DCLK1: variants seen among roughly 807,000 people sequenced by gnomAD.
The protein encoded by DCLK1 is doublecortin like kinase 1.
In DCLK1, 16 loss-of-function variants were observed where a neutral mutation model predicts 86.2. The ratio of observed to expected loss-of-function variants is 0.19; its 90% CI spans 0.13 to 0.28. The LOEUF is 0.28. Ranked by LOEUF, DCLK1 falls within the 10% of genes least tolerant of loss-of-function variation. The pLI is 1.00. For synonymous variants in DCLK1, 369 were observed against 370.5 expected (o/e 1.00, Z 0.05); for missense variants, 590 against 940.2 (o/e 0.63, Z 4.87).
At chr13:35,882,859 T>G (rs1872998744) in intron 4 of DCLK1, among the ~76,000 whole-genome samples, 1 of 152,184 alleles carries the variant, frequency 6.6e-6, no homozygotes, top group Non-Finnish European at 1.5e-5. Context: ...GAATTTATAC[T>G]CCAGCGGAGG....
intron 5 of DCLK1, among the ~76,000 whole-genome samples, chr13:35,857,104 C>T (rs1368046706): frequency 1.3e-5 from 2 of 152,112 alleles, no homozygotes; most frequent in African/African-American, 4.8e-5. Context: ...AAGGAAGTGA[C>T]CATGTTCTCG....
chr13:36,035,526 TCCAGTCTGTGCTTATGTAA>T (rs1478797932), intron 3 of DCLK1, among the ~76,000 whole-genome samples: 1 of 152,170 alleles, frequency 6.6e-6, no homozygotes, highest in East Asian at 1.9e-4. Flanking sequence ...TTATTTAACA[TCCAGTCTGTGCTTATGTAA>T]TTTTTCTTTT....
chr13:36,059,821 A>G (rs1209329735), intron 3 of DCLK1, among the ~76,000 whole-genome samples: 1 of 151,772 alleles, frequency 6.6e-6, no homozygotes, highest in African/African-American at 2.4e-5. Context: ...GAGAATTTCT[A>G]TTAGTATATC....
chr13:36,131,758 C>T (rs1886368375), upstream of DCLK1, among the ~76,000 whole-genome samples: 2 of 152,154 alleles, frequency 1.3e-5, no homozygotes, highest in African/African-American at 4.8e-5. Context: ...AAGGAGGTAC[C>T]CACACTCATA....
At chr13:35,984,457 G>A (rs1377709104) in intron 3 of DCLK1, among the ~76,000 whole-genome samples, 2 of 152,186 alleles carry the variant, frequency 1.3e-5, no homozygotes, top group Non-Finnish European at 2.9e-5. Context: ...ACCCTGCAGT[G>A]GGTGAGGGAG....
At chr13:35,920,655 ACT>A (rs1215529372) in intron 4 of DCLK1, among the ~76,000 whole-genome samples, 1 of 152,064 alleles carries the variant, frequency 6.6e-6, no homozygotes, top group Non-Finnish European at 1.5e-5. Context: ...TCCTACACAC[ACT>A]GGTTCATCGA....
intron 4 of DCLK1, among the ~76,000 whole-genome samples, chr13:35,921,106 C>G (rs1875775901): frequency 6.6e-6 from 1 of 152,186 alleles, no homozygotes; most frequent in Non-Finnish European, 1.5e-5. Context: ...TCAAAGAGAT[C>G]TTTTGAAAAT....
intron 16 of DCLK1, chr13:35,788,085 CT>C: frequency 1.1e-6 from 1 of 875,938 alleles, no homozygotes; most frequent in Non-Finnish European, 1.9e-6. Context: ...TAAAATGAAA[CT>C]GATAAAGCAG....
At chr13:36,016,889 T>C (rs1384286272) in intron 3 of DCLK1, among the ~76,000 whole-genome samples, 1 of 152,208 alleles carries the variant, frequency 6.6e-6, no homozygotes, top group Non-Finnish European at 1.5e-5. Context: ...GTGTGCGTAC[T>C]TCACATTTAC....
intron 1 of DCLK1, among the ~76,000 whole-genome samples, chr13:36,127,430 G>A (rs548155352): frequency 2.0e-5 from 3 of 152,224 alleles, no homozygotes; most frequent in African/African-American, 4.8e-5. Flanking sequence ...TAAAGATGTC[G>A]ATTTACACTT....
chr13:35,923,909 C>T (rs1159769457), intron 4 of DCLK1, among the ~76,000 whole-genome samples: 2 of 152,244 alleles, frequency 1.3e-5, no homozygotes, highest in East Asian at 1.9e-4. Flanking sequence ...AGAACAAATG[C>T]ACATGCTAAA....
At chr13:36,099,477 T>C (rs146808970) in intron 3 of DCLK1, among the ~76,000 whole-genome samples, 74 of 152,276 alleles carry the variant, frequency 4.9e-4, no homozygotes, top group African/African-American at 1.7e-3. Flanking sequence ...GTTTCTCTAG[T>C]AATGAAACTT....
chr13:36,008,001 A>G (rs1881064397), intron 3 of DCLK1, among the ~76,000 whole-genome samples: 1 of 152,114 alleles, frequency 6.6e-6, no homozygotes, highest in Middle Eastern at 3.4e-3. Flanking sequence ...TTTTTAGTCT[A>G]TAAAACTCCA....
intron 3 of DCLK1, among the ~76,000 whole-genome samples, chr13:36,030,091 G>A (rs9546200): frequency 0.07 from 10,675 of 152,140 alleles, 478 homozygotes; most frequent in African/African-American, 0.13. Context: ...AATAGAGCAC[G>A]TCCAAGGGAG....
chr13:35,857,169 A>G (rs1343688773), intron 5 of DCLK1, among the ~76,000 whole-genome samples: 1 of 152,228 alleles, frequency 6.6e-6, no homozygotes, highest in African/African-American at 2.4e-5. Flanking sequence ...TGGCATTCAC[A>G]TCATAAATGA....
rs142392490 is a variant in DCLK1, at chr13:36,098,159, C to A, written c.723+13710G>T. ...TTATCCCTGGGCTGGATTCAACATA[C>A]AAGATGATTTTATTCTTTTCTACAA... is the stretch of plus-strand genomic sequence containing the variant. On this transcript the variant is annotated intron_variant, in intron 3 of 16. Transcript: ENST00000360631. Among the ~76,000 whole-genome samples the A allele has an allele frequency of 2.8e-3, 429 of 152,284 alleles. 1 individual carries two copies. Among genetic ancestry groups the A allele is most frequent in the Non-Finnish European group, 4.9e-3 (334 of 68,014 alleles).
chr13:35,888,980 TG>T (rs1185818885), intron 4 of DCLK1, among the ~76,000 whole-genome samples: 1 of 151,966 alleles, frequency 6.6e-6, no homozygotes, highest in East Asian at 1.9e-4. Context: ...CAATCTCACA[TG>T]GCAGAATTTT....
chr13:35,855,768 T>C, intron 5 of DCLK1: 1 of 1,284,934 alleles, frequency 7.8e-7, no homozygotes, highest in African/African-American at 1.5e-5. Flanking sequence ...AAGGTGTCAA[T>C]TAAGCCTCTT....
chr13:35,831,645 G>T (rs1868974244), intron 8 of DCLK1, among the ~76,000 whole-genome samples: 1 of 151,954 alleles, frequency 6.6e-6, no homozygotes, highest in African/African-American at 2.4e-5. Flanking sequence ...CTGATTACTG[G>T]TGAGGTGAAT....
Sources: allele counts gnomAD v4.1 joint callset (sites outside exome capture counted in the v4.1 genomes callset), GRCh38; gene constraint gnomAD v4.1.1; transcripts MANE v1.5; gene names NCBI Gene and HGNC (gene_info 2026-07-23, HGNC 2026-07-21).